Variants in COL23A1 observed in about 807,000 individuals in gnomAD.
The protein encoded by COL23A1 is collagen type XXIII alpha 1 chain.
COL23A1 carries 97 observed loss-of-function variants against 99.3 expected under a neutral mutation model. That is an observed-to-expected ratio of 0.98 (90% confidence interval 0.83 to 1.16). The LOEUF (loss-of-function observed/expected upper bound fraction) is 1.16. COL23A1 is among the 50% of genes most tolerant of loss of function. The probability of loss-of-function intolerance (pLI) is 0.00; values close to 1 mark genes in which losing one functional copy is unlikely to be tolerated. For synonymous variants in COL23A1, 320 were observed against 308.2 expected (o/e 1.04, Z -0.40); for missense variants, 762 against 757.4 (o/e 1.01, Z -0.07).
At chr5:178,239,604 CTGG>C (rs1764286875) in intron 27 of COL23A1, among the ~76,000 whole-genome samples, 1 of 95,364 alleles carries the variant, frequency 1.0e-5, no homozygotes, top group African/African-American at 4.5e-5. Flanking sequence ...GACACTGACT[CTGG>C]CCTGGGTCCT....
At chr5:178,473,821 T>C (rs1029742150) in intron 2 of COL23A1, among the ~76,000 whole-genome samples, 1 of 152,206 alleles carries the variant, frequency 6.6e-6, no homozygotes, top group Non-Finnish European at 1.5e-5. Flanking sequence ...TATGGGGTTT[T>C]ATTTATGGTT....
chr5:178,391,569 TCAGA>T (rs777530744), intron 2 of COL23A1, among the ~76,000 whole-genome samples: 10 of 151,426 alleles, frequency 6.6e-5, no homozygotes, highest in Non-Finnish European at 1.0e-4. Context: ...AATAAAAGAG[TCAGA>T]CAGTCAAAAA....
intron 2 of COL23A1, among the ~76,000 whole-genome samples, chr5:178,479,453 G>A (rs539589): frequency 0.017 from 2,659 of 152,248 alleles, 80 homozygotes; most frequent in African/African-American, 0.059. Flanking sequence ...TCACCCATGC[G>A]CCACAGCGGC....
chr5:178,353,038 T>C (rs1467105432), intron 2 of COL23A1, among the ~76,000 whole-genome samples: 13 of 152,262 alleles, frequency 8.5e-5, no homozygotes, highest in East Asian at 1.9e-4. Context: ...ATCTAGCAAC[T>C]CCACTCTGAG....
chr5:178,260,854 C>T lies in COL23A1; in HGVS notation c.702+868G>A, dbSNP rs115337604. 4.4e-3 allele frequency among the ~76,000 whole-genome samples: 664 copies of T among 152,240 alleles called. 7 individuals carry two copies. The highest frequency in any genetic ancestry group is 0.015 in the African/African-American group (631 of 41,548). ...CTAGGGAGAACGAGGGATGAACAGGCGGAGAACAGAGCATGTTTAGGGCAG... is the reference window on the plus strand; with the variant it reads ...CTAGGGAGAACGAGGGATGAACAGGTGGAGAACAGAGCATGTTTAGGGCAG... On this transcript the variant is annotated intron_variant, in intron 11 of 28. Coordinates refer to ENST00000390654, the MANE Select transcript of COL23A1 (RefSeq NM_173465.4).
intron 2 of COL23A1, among the ~76,000 whole-genome samples, chr5:178,358,000 A>T (rs62644427): frequency 8.8e-6 from 1 of 113,448 alleles, no homozygotes; most frequent in Non-Finnish European, 1.8e-5. Context: ...GCGTGTGTGT[A>T]TATGTATGTG....
intron 2 of COL23A1, among the ~76,000 whole-genome samples, chr5:178,559,880 C>T (rs926883085): frequency 1.3e-5 from 2 of 149,304 alleles, no homozygotes; most frequent in East Asian, 2.0e-4. Context: ...TTTCCCTGCA[C>T]GTCGAGAAGT....
At chr5:178,436,047 G>C (rs995302381) in intron 2 of COL23A1, among the ~76,000 whole-genome samples, 2 of 152,246 alleles carry the variant, frequency 1.3e-5, no homozygotes, top group African/African-American at 4.8e-5. Context: ...CCTGGGCACT[G>C]AAGGCCGACT....
chr5:178,246,629 C>A (rs575263129), intron 22 of COL23A1, among the ~76,000 whole-genome samples, 176 bp from the exon 23 acceptor site: 7 of 152,200 alleles, frequency 4.6e-5, no homozygotes, highest in African/African-American at 1.4e-4. Context: ...TCTGGCCATG[C>A]GCATTGCGCC....
intron 2 of COL23A1, among the ~76,000 whole-genome samples, chr5:178,422,192 G>A (rs1258882025): frequency 6.6e-6 from 1 of 152,152 alleles, no homozygotes. Context: ...AGCCCCTGGG[G>A]CTCCGAGAAG....
intron 2 of COL23A1, among the ~76,000 whole-genome samples, chr5:178,416,642 T>A (rs1334721445): frequency 1.3e-5 from 2 of 152,226 alleles, no homozygotes. Context: ...TTATCTCACT[T>A]AATCGTTTCA....
intron 2 of COL23A1, among the ~76,000 whole-genome samples, chr5:178,489,937 TA>T (rs1332671393): frequency 3.3e-5 from 5 of 152,018 alleles, no homozygotes; most frequent in African/African-American, 9.7e-5. Context: ...CACTTAGCCT[TA>T]AAAAAGGTAG....
chr5:178,347,426 G>C (rs1761036474), intron 2 of COL23A1, among the ~76,000 whole-genome samples: 1 of 150,180 alleles, frequency 6.7e-6, no homozygotes, highest in Non-Finnish European at 1.5e-5. Flanking sequence ...GGACGGGCAT[G>C]GGGGGAGGGG....
Position 178,248,535 on chromosome 5 carries a change from C to T in COL23A1, c.1150-281G>A, listed in dbSNP as rs1764838785. Among the ~76,000 whole-genome samples, 2 of 152,156 alleles carry T rather than the reference C, an allele frequency of 1.3e-5. 1 individual carries two copies. Among genetic ancestry groups the T allele is most frequent in the African/African-American group, 4.8e-5 (2 of 41,444 alleles). On this transcript the variant is annotated intron_variant, in intron 19 of 28. Coordinates refer to ENST00000390654, the MANE Select transcript of COL23A1 (RefSeq NM_173465.4). ...AGACCCCGGGGTCAAACCCCAGTGC[C>T]CCCTCTAGCCCAGTGACCATCAGGG...
intron 1 of COL23A1, chr5:178,562,488 G>C (rs1180121311): frequency 1.3e-5 from 2 of 152,768 alleles, no homozygotes; most frequent in Admixed American, 6.6e-5. Flanking sequence ...CCAGCAGGCG[G>C]AGCTTGCAGT....
chr5:178,241,351 G>A (rs566043193), intron 27 of COL23A1, among the ~76,000 whole-genome samples: 1 of 152,154 alleles, frequency 6.6e-6, no homozygotes. Flanking sequence ...AGGGTGTGGG[G>A]GTAGGCAGAG....
intron 5 of COL23A1, among the ~76,000 whole-genome samples, chr5:178,282,516 G>C (rs1354546671): frequency 2.0e-5 from 3 of 152,218 alleles, no homozygotes; most frequent in Non-Finnish European, 4.4e-5. Flanking sequence ...ACTGTAGACA[G>C]CTTGAGAGGC....
intron 8 of COL23A1, among the ~76,000 whole-genome samples, chr5:178,264,499 C>T (rs549670029): frequency 6.6e-6 from 1 of 152,172 alleles, no homozygotes; most frequent in African/African-American, 2.4e-5. Flanking sequence ...GTGACTGGCA[C>T]CTACCCACTG....
intron 2 of COL23A1, among the ~76,000 whole-genome samples, chr5:178,348,947 C>T (rs1761144273): frequency 1.3e-5 from 2 of 152,140 alleles, no homozygotes; most frequent in South Asian, 4.1e-4. Flanking sequence ...CACAGGCCGA[C>T]CCCCAAATCC....
Sources: gnomAD v4.1 joint callset for allele counts (sites outside exome capture counted in the v4.1 genomes callset) on GRCh38, gnomAD v4.1.1 for gene constraint, MANE v1.5 for transcripts, NCBI Gene and HGNC (gene_info 2026-07-23, HGNC 2026-07-21) for gene names.